The following RLBP1 variants were observed in gnomAD, a reference collection of about 807,000 sequenced individuals.
The protein encoded by RLBP1 is retinaldehyde binding protein 1, also known as retinaldehyde-binding protein 1.
Under a neutral mutation model 36.2 loss-of-function variants are expected in RLBP1, and 26 were observed. That is an observed-to-expected ratio of 0.72 (90% CI 0.53 to 1.00). The LOEUF (loss-of-function observed/expected upper bound fraction) is 1.00, where lower values mean the gene tolerates loss of function less well. Among genes scored for constraint, RLBP1 ranks in the 50% least tolerant of loss-of-function variants. The pLI is 0.00. For missense variants in RLBP1, 410 were observed against 402.4 expected, an observed-to-expected ratio of 1.02 and a Z score of -0.16; for synonymous variants, 155 against 156.2, an observed-to-expected ratio of 0.99 and a Z score of 0.06.
chr15:89,215,829 T>A (rs1261245789), intron 5 of RLBP1, among the ~76,000 whole-genome samples: 1 of 152,202 alleles, frequency 6.6e-6, no homozygotes, highest in Non-Finnish European at 1.5e-5. Context: ...ATCAACTTGC[T>A]CACTGCTCTG....
chr15:89,218,734 A>C lies in RLBP1; in HGVS notation c.13-41T>G, dbSNP rs1404498308. On this transcript the variant is annotated intron_variant, in intron 3 of 8. Coordinates refer to ENST00000268125, the MANE Select transcript of RLBP1 (RefSeq NM_000326.5). This position sits in a 1 kb window ranked among gnomAD's most constrained non-coding sequence, Gnocchi z 4.6. The stretch of plus-strand genomic sequence containing the variant: ...AAAAAGAGGAACAGCCAACCGCATC[A>C]GCCTGAGCCAGCCAGGGAAATGGGC... 6.2e-7 allele frequency: 1 copy of C among 1,611,392 alleles called. No individual in the cohort carries two copies. Among genetic ancestry groups the C allele is most frequent in the Non-Finnish European group, 8.5e-7 (1 of 1,179,996 alleles).
intron 4 of RLBP1, 97 bp from the exon 5 acceptor site, chr15:89,217,421 A>G: frequency 2.5e-6 from 3 of 1,220,442 alleles, no homozygotes; most frequent in Middle Eastern, 2.2e-4. Context: ...AGACCAGCCA[A>G]GGGGGCCCAG....
Position 89,217,251 on chromosome 15 carries a change from G to T in RLBP1, c.215C>A (p.Ala72Glu), listed in dbSNP as rs772539351. The T allele has an allele frequency of 1.2e-6, 2 of 1,611,522 alleles. No individual in the cohort carries two copies. The highest frequency in any genetic ancestry group is 1.7e-6 in the Non-Finnish European group (2 of 1,180,004). ...CAGCTCCTCCCCCGAGGCCGCCTGC[G>T]CCTGCACCATCTCCTGCAGCTCTCG... ...AVRELQEMVQ[A>E]QAASGEELAV... Residue 72 changes from alanine (A) to glutamate (E), a missense_variant, in exon 5 of 9, where the codon GCG (alanine) becomes GAG (glutamate). By Grantham distance (107) the Ala-to-Glu change is moderately radical. Transcript: ENST00000268125.
intron 6 of RLBP1, among the ~76,000 whole-genome samples, chr15:89,213,890 T>G (rs1184897492): frequency 1.3e-5 from 2 of 151,972 alleles, no homozygotes; most frequent in Admixed American, 6.6e-5. Flanking sequence ...TAGGGGGAAA[T>G]AAACATGCAA....
chr15:89,210,669 T>C lies in RLBP1; in HGVS notation c.795+30A>G, dbSNP rs746386544. 2.7e-6 allele frequency: 4 copies of C among 1,489,078 alleles called. No homozygotes were observed. The East Asian group carries it at 7.1e-5, about 27-fold the overall frequency. The allele number at this position is 1,489,078 out of a possible 1,614,324, so 92.2% of individuals were successfully genotyped here. ...TGAGGCCCCACCCTCAGCCCTCTTGTCTCATTGTCTGGGCGGCCCACGTAC... is the reference window on the plus strand; with the variant it reads ...TGAGGCCCCACCCTCAGCCCTCTTGCCTCATTGTCTGGGCGGCCCACGTAC... On this transcript the variant is annotated intron_variant, in intron 8 of 8. Transcript: ENST00000268125. The surrounding 1 kb of genome is among the most constrained non-coding windows in gnomAD (Gnocchi z 4.7).
Position 89,210,761 on chromosome 15 carries a change from A to G in RLBP1, c.733T>C (p.Trp245Arg), listed in dbSNP as rs1032409102. 8.7e-6 allele frequency: 14 copies of G among 1,602,328 alleles called. No homozygotes were observed. Among genetic ancestry groups the G allele is most frequent in the African/African-American group, 2.7e-5 (2 of 74,878 alleles). Residue 245 changes from tryptophan (W) to arginine (R), a missense_variant, in exon 8 of 9, where the codon TGG becomes CGG. By Grantham distance (101) the Trp-to-Arg change is moderately radical. Transcript: ENST00000268125. The surrounding 1 kb of genome is among the most constrained non-coding windows in gnomAD (Gnocchi z 4.7). The stretch of plus-strand genomic sequence containing the variant: ...ACATTGTAGGTCGTGGTGAAGTACC[A>G]TGGCTGGTGGATGAAGTGGATGGCT... ...FKAIHFIHQP[W>R]YFTTTYNVVK...
At position 89,218,837 on chromosome 15, in the gene RLBP1, G is replaced by T. The variant is rs2051604124; in HGVS notation, c.12+127C>A. ...TTGTGGGGTCAGGACCCACACAGGG[G>T]TTATAGAAGTGTGTGCCTATATTCC... On this transcript the variant is annotated intron_variant, in intron 3 of 8. Coordinates refer to ENST00000268125, the MANE Select transcript of RLBP1 (RefSeq NM_000326.5). This position sits in a 1 kb window ranked among gnomAD's most constrained non-coding sequence, Gnocchi z 4.6. 1.3e-6 allele frequency: 2 copies of T among 1,496,016 alleles called. No individual in the cohort carries two copies. The highest frequency in any genetic ancestry group is 1.1e-5 in the South Asian group (1 of 86,976). The allele number at this position is 1,496,016 out of a possible 1,614,324, so 92.7% of individuals were successfully genotyped here.
intron 5 of RLBP1, 78 bp downstream of exon 5, chr15:89,217,042 C>A: frequency 2.1e-6 from 3 of 1,461,984 alleles, no homozygotes; most frequent in Non-Finnish European, 2.8e-6. Flanking sequence ...CAGGCCTGTT[C>A]AGTGCCAGGA....
intron 5 of RLBP1, 82 bp from the exon 6 acceptor site, chr15:89,215,320 G>C (rs1239446476): frequency 6.9e-7 from 1 of 1,440,120 alleles, no homozygotes; most frequent in African/African-American, 1.4e-5. Context: ...TCAGAGACCT[G>C]ACCTCCTGCC....
Position 89,209,928 on chromosome 15 carries a change from C to A in RLBP1, c.*357G>T. 1 of 323,558 alleles carries A rather than the reference C, an allele frequency of 3.1e-6. No homozygotes were observed. The highest frequency in any genetic ancestry group is 5.9e-6 in the Non-Finnish European group (1 of 169,794). 20.0% of individuals were successfully genotyped at this position (323,558 alleles called of 1,614,324 possible). Reference sequence around the variant, plus strand: ...GGGGCGAATAGGGGGATATTTTAACCCGGGCTCCTTGCCTGTTTTCACAGA... The same window carrying A: ...GGGGCGAATAGGGGGATATTTTAACACGGGCTCCTTGCCTGTTTTCACAGA... On this transcript the variant is annotated 3_prime_UTR_variant, in exon 9 of 9. Coordinates refer to ENST00000268125, the MANE Select transcript of RLBP1 (RefSeq NM_000326.5).
In RLBP1 at chr15:89,218,937, G is replaced by T. The variant is rs777836207; in HGVS notation, c.12+27C>A. The T allele has an allele frequency of 4.3e-6, 7 of 1,612,600 alleles. No homozygotes were observed. Among genetic ancestry groups the T allele is most frequent in the Non-Finnish European group, 5.9e-6 (7 of 1,178,836 alleles). On this transcript the variant is annotated intron_variant, in intron 3 of 8. Coordinates refer to ENST00000268125, the MANE Select transcript of RLBP1 (RefSeq NM_000326.5). The surrounding 1 kb of genome is among the most constrained non-coding windows in gnomAD (Gnocchi z 4.6). ...GAGAAGAGAGGGAAGGTGGGTGGAG[G>T]AGAGCCCTGGAGGACAGGGTACTTA...
At position 89,214,937 on chromosome 15, in the gene RLBP1, G is replaced by T; in HGVS notation, c.525+123C>A. The T allele has an allele frequency of 2.0e-6, 2 of 1,019,578 alleles. No homozygotes were observed. The highest frequency in any genetic ancestry group is 3.0e-6 in the Non-Finnish European group (2 of 657,938). The allele number at this position is 1,019,578 out of a possible 1,614,324, so 63.2% of individuals were successfully genotyped here. A position where few individuals can be genotyped will look rare whatever the true frequency, so the allele number is the denominator to read the frequency against. On this transcript the variant is annotated intron_variant, in intron 6 of 8. Coordinates refer to ENST00000268125, the MANE Select transcript of RLBP1 (RefSeq NM_000326.5). This position sits in a 1 kb window ranked among gnomAD's most constrained non-coding sequence, Gnocchi z 4.6. The stretch of plus-strand genomic sequence containing the variant: ...GGAAAGGGCTAGGTGGCAGGTGGCT[G>T]CCCACCTTTCCCCCTCTACAGACCT...
intron 6 of RLBP1, among the ~76,000 whole-genome samples, chr15:89,212,867 T>A (rs951947381): frequency 5.3e-5 from 8 of 151,868 alleles, no homozygotes; most frequent in Non-Finnish European, 1.2e-4. Flanking sequence ...TAGCTGGGAT[T>A]ACAGGTGCCT....
chr15:89,220,593 G>A (rs2051618721), intron 1 of RLBP1, among the ~76,000 whole-genome samples: 1 of 151,996 alleles, frequency 6.6e-6, no homozygotes, highest in Non-Finnish European at 1.5e-5. Context: ...CCACCCACAG[G>A]AACCAAATCT....
At chr15:89,217,772 T>C (rs1006281970) in intron 4 of RLBP1, among the ~76,000 whole-genome samples, 1 of 152,132 alleles carries the variant, frequency 6.6e-6, no homozygotes, top group Non-Finnish European at 1.5e-5. Flanking sequence ...CTTTCCATCA[T>C]TTCACTCTGC....
Position 89,219,082 on chromosome 15 carries a change from G to C in RLBP1, c.-100-7C>G. ...CTAGGATAGGAAGTCAGGGCTGCAG[G>C]GGTTAGAAAAACCATTCTGTTATTG... is the stretch of plus-strand genomic sequence containing the variant. On this transcript the variant is annotated splice_region_variant and splice_polypyrimidine_tract_variant and intron_variant, in intron 2 of 8. Coordinates refer to ENST00000268125, the MANE Select transcript of RLBP1 (RefSeq NM_000326.5). 1 of 1,345,130 alleles carries C rather than the reference G, an allele frequency of 7.4e-7. No homozygotes were observed. The allele number at this position is 1,345,130 out of a possible 1,614,324, so 83.3% of individuals were successfully genotyped here. A position where few individuals can be genotyped will look rare whatever the true frequency, so the allele number is the denominator to read the frequency against.
chr15:89,214,844 A>G lies in RLBP1; in HGVS notation c.525+216T>C, dbSNP rs998172612. Among the ~76,000 whole-genome samples, 13 of 152,196 alleles carry G rather than the reference A, an allele frequency of 8.5e-5. No homozygotes were observed. The highest frequency in any genetic ancestry group is 8.5e-4 in the Admixed American group (13 of 15,286). ...AAGAGCCATGTATTATTGACCATCA[A>G]GCTCCACCTGCAAAGCTACTGGGTT... On this transcript the variant is annotated intron_variant, in intron 6 of 8. Coordinates refer to ENST00000268125, the MANE Select transcript of RLBP1 (RefSeq NM_000326.5). The surrounding 1 kb of genome is among the most constrained non-coding windows in gnomAD (Gnocchi z 4.6).
At position 89,211,788 on chromosome 15, in the gene RLBP1, AGCAGCCTG is replaced by A. The variant is rs1264781571; in HGVS notation, c.631_638del (p.Gln211Ter). 1.9e-6 allele frequency: 3 copies of A among 1,614,066 alleles called. No homozygotes were observed. The highest frequency in any genetic ancestry group is 2.5e-6 in the Non-Finnish European group (3 of 1,180,024). The stretch of plus-strand genomic sequence containing the variant: ...TCCTGAGATCTGAAGTCCGGAGACT[AGCAGCCTG>A]CTGCATGGTAAAGCCCTTGAAGTTC... On this transcript the variant is annotated frameshift_variant, in exon 7 of 9. Transcript: ENST00000268125. LOFTEE classifies it high-confidence loss of function. This position sits in a 1 kb window ranked among gnomAD's most constrained non-coding sequence, Gnocchi z 5.8.
At position 89,209,973 on chromosome 15, in the gene RLBP1, G is replaced by C; in HGVS notation, c.*312C>G. ...CACAGACTCTAAGTCGTAAAACTCT[G>C]TTACAAAGGAAATGACTGAGAAAAT... On this transcript the variant is annotated 3_prime_UTR_variant, in exon 9 of 9. Transcript: ENST00000268125. 1 of 419,752 alleles carries C rather than the reference G, an allele frequency of 2.4e-6. No individual in the cohort carries two copies. The highest frequency in any genetic ancestry group is 2.4e-5 in the South Asian group (1 of 40,876). 26.0% of individuals were successfully genotyped at this position (419,752 alleles called of 1,614,324 possible). A position where few individuals can be genotyped will look rare whatever the true frequency, so the allele number is the denominator to read the frequency against.
Sources: allele counts gnomAD v4.1 joint callset (sites outside exome capture counted in the v4.1 genomes callset), GRCh38; gene constraint gnomAD v4.1.1; non-coding constraint Gnocchi (gnomAD v3.1); transcripts MANE v1.5; gene names NCBI Gene and HGNC (gene_info 2026-07-23, HGNC 2026-07-21).